Variants in GMDS observed in about 807,000 individuals in gnomAD.
The protein encoded by GMDS is GDP-mannose 4,6-dehydratase, also known as GDP-mannose 4,6 dehydratase.
GMDS carries 20 observed loss-of-function variants against 49.9 expected under a neutral mutation model. That is an observed-to-expected ratio of 0.40 (90% CI 0.28 to 0.58). The LOEUF (loss-of-function observed/expected upper bound fraction) is 0.58, where lower values mean the gene tolerates loss of function less well. Ranked by LOEUF, GMDS falls within the 20% of genes least tolerant of loss-of-function variation. The probability of loss-of-function intolerance (pLI) is 0.42; values close to 1 mark genes in which losing one functional copy is unlikely to be tolerated. For synonymous variants in GMDS, 177 were observed against 178.6 expected (o/e 0.99, Z 0.07); for missense variants, 362 against 481.4 (o/e 0.75, Z 2.32).
At chr6:2,053,115 T>C (rs1770541446) in intron 4 of GMDS, among the ~76,000 whole-genome samples, 1 of 152,202 alleles carries the variant, frequency 6.6e-6, no homozygotes, top group Non-Finnish European at 1.5e-5. Flanking sequence ...CAAGAAAATA[T>C]ATATTTTTAC....
At chr6:1,840,784 AG>A in intron 7 of GMDS, among the ~76,000 whole-genome samples, 2 of 152,360 alleles carry the variant, frequency 1.3e-5, no homozygotes, top group Admixed American at 1.3e-4. Context: ...ACTTAAAAAA[AG>A]GAAAAATTTG....
chr6:2,206,132 C>A (rs1351650338), intron 1 of GMDS, among the ~76,000 whole-genome samples: 1 of 152,054 alleles, frequency 6.6e-6, no homozygotes. Context: ...GTGGCACATG[C>A]CTGTAATCCC....
intron 9 of GMDS, among the ~76,000 whole-genome samples, chr6:1,671,049 G>A (rs1373435412): frequency 1.3e-5 from 2 of 152,016 alleles, no homozygotes; most frequent in East Asian, 1.9e-4. Context: ...GCGACTGTGG[G>A]GGCCTTCAGA....
intron 4 of GMDS, among the ~76,000 whole-genome samples, chr6:1,976,040 T>A (rs1027663418): frequency 3.6e-4 from 55 of 152,142 alleles, no homozygotes; most frequent in Non-Finnish European, 8.8e-5. Context: ...GGCTAGTATA[T>A]GAAGAATGTC....
intron 9 of GMDS, among the ~76,000 whole-genome samples, chr6:1,647,827 AGCATCC>A (rs1763533222): frequency 6.6e-6 from 1 of 152,170 alleles, no homozygotes; most frequent in Non-Finnish European, 1.5e-5. Context: ...TGTCCTTCTC[AGCATCC>A]GGACCTACCG....
chr6:1,624,241 AG>A lies in GMDS; in HGVS notation c.1057-11del. ...TCTCCCTCACCAGCTCCTGCAACAC[AG>A]GGGTGGGCGTGAGGGAGGAGCTTCT... On this transcript the variant is annotated splice_polypyrimidine_tract_variant and intron_variant, in intron 10 of 10. Transcript: ENST00000380815. The A allele has an allele frequency of 6.2e-7, 1 of 1,609,782 alleles. No individual in the cohort carries two copies.
rs1224330467 is a variant in GMDS, at chr6:1,867,509, A to G, written c.771+62594T>C. On this transcript the variant is annotated intron_variant, in intron 7 of 10. Coordinates refer to ENST00000380815, the MANE Select transcript of GMDS (RefSeq NM_001500.4). ...AGAATCCATTTATCTGGATTTTACA[A>G]CATTGTAGACACAGACTACCAGAAT... Among the ~76,000 whole-genome samples the G allele has an allele frequency of 2.0e-5, 3 of 152,180 alleles. No individual in the cohort carries two copies. In the East Asian group the frequency reaches 5.8e-4, roughly 29 times the overall value.
chr6:1,940,267 C>A (rs773314803), intron 6 of GMDS, among the ~76,000 whole-genome samples: 1 of 152,212 alleles, frequency 6.6e-6, no homozygotes, highest in Non-Finnish European at 1.5e-5. Context: ...AATAAAAATT[C>A]TATTCCATTG....
intron 1 of GMDS, among the ~76,000 whole-genome samples, chr6:2,159,472 A>G (rs1250741175): frequency 2.0e-5 from 3 of 147,828 alleles, no homozygotes; most frequent in African/African-American, 7.5e-5. Context: ...TTATGCATTC[A>G]TGGCATACCT....
intron 9 of GMDS, among the ~76,000 whole-genome samples, chr6:1,695,828 A>G (rs1324049240): frequency 6.6e-6 from 1 of 151,632 alleles, no homozygotes; most frequent in Non-Finnish European, 1.5e-5. Flanking sequence ...GAGAACAAAC[A>G]GTGCTGAGAT....
chr6:2,039,793 T>G (rs1769544354), intron 4 of GMDS, among the ~76,000 whole-genome samples: 1 of 152,180 alleles, frequency 6.6e-6, no homozygotes, highest in Middle Eastern at 3.2e-3. Flanking sequence ...CGCCTAAAGC[T>G]GTTTTATAGT....
chr6:1,953,977 A>C (rs1228915829), intron 6 of GMDS, among the ~76,000 whole-genome samples: 2 of 152,204 alleles, frequency 1.3e-5, no homozygotes, highest in Non-Finnish European at 2.9e-5. Flanking sequence ...GATATTAAAC[A>C]GTTTGAGATA....
At chr6:1,967,284 T>G (rs1764315840) in intron 4 of GMDS, among the ~76,000 whole-genome samples, 1 of 152,234 alleles carries the variant, frequency 6.6e-6, no homozygotes. Context: ...AGAGCTGGGT[T>G]TCATCTTGTT....
intron 7 of GMDS, among the ~76,000 whole-genome samples, chr6:1,888,970 C>A (rs980365941): frequency 2.6e-5 from 4 of 152,196 alleles, no homozygotes; most frequent in Admixed American, 6.5e-5. Context: ...AAGAGGTGGG[C>A]CCCCATGGCC....
intron 7 of GMDS, among the ~76,000 whole-genome samples, chr6:1,841,893 A>G (rs980550194): frequency 2.0e-5 from 3 of 152,108 alleles, no homozygotes; most frequent in South Asian, 4.1e-4. Flanking sequence ...TGCAATGCCT[A>G]TTTCCCTAAA....
intron 4 of GMDS, among the ~76,000 whole-genome samples, chr6:1,982,218 A>G (rs957866785): frequency 1.3e-5 from 2 of 152,264 alleles, no homozygotes; most frequent in Middle Eastern, 3.4e-3. Flanking sequence ...AGGCAGGAGA[A>G]TCACTTGAAT....
At chr6:2,123,087 T>C (rs1434137591) in intron 2 of GMDS, among the ~76,000 whole-genome samples, 1 of 152,212 alleles carries the variant, frequency 6.6e-6, no homozygotes, top group Non-Finnish European at 1.5e-5. Flanking sequence ...GCTAGTTCCT[T>C]AACAAGGGAC....
chr6:1,729,223 A>C (rs1382245162), intron 8 of GMDS, among the ~76,000 whole-genome samples: 7 of 152,324 alleles, frequency 4.6e-5, no homozygotes, highest in Admixed American at 4.6e-4. Context: ...AAATGGGAAA[A>C]GGCTGAAGGA....
intron 1 of GMDS, among the ~76,000 whole-genome samples, chr6:2,135,319 G>A (rs572408142): frequency 3.3e-5 from 5 of 151,908 alleles, no homozygotes; most frequent in African/African-American, 4.8e-5. Context: ...ACTAAACAAC[G>A]TGCTACTGTG....
Sources: gnomAD v4.1 joint callset for allele counts (sites outside exome capture counted in the v4.1 genomes callset) on GRCh38, gnomAD v4.1.1 for gene constraint, MANE v1.5 for transcripts, NCBI Gene and HGNC (gene_info 2026-07-23, HGNC 2026-07-21) for gene names.